The following ENTREP1 variants were observed in gnomAD, a reference collection of about 807,000 sequenced individuals.
ENTREP1 encodes the protein endosomal transmembrane epsin interactor 1.
At chr9:69,348,178 G>C in the ENTREP1 span, among the ~76,000 whole-genome samples, 2 of 152,006 alleles carry the variant, frequency 1.3e-5, no homozygotes, top group African/African-American at 4.8e-5. Flanking sequence ...GCAGTGGCGC[G>C]GACACAGCTC....
At chr9:69,326,829 G>C in the ENTREP1 span, among the ~76,000 whole-genome samples, 2 of 21,454 alleles carry the variant, frequency 9.3e-5, no homozygotes, top group Non-Finnish European at 3.1e-4. Context: ...CTCCCAAAGT[G>C]TGGGGATTAG....
chr9:69,382,792 A>G, the ENTREP1 span: 2 of 155,230 alleles, frequency 1.3e-5, no homozygotes, highest in Admixed American at 6.5e-5. Flanking sequence ...AACTAGCCCC[A>G]GAATCTGTTT....
the ENTREP1 span, among the ~76,000 whole-genome samples, chr9:69,367,893 A>T: frequency 3.4e-5 from 5 of 145,280 alleles, no homozygotes; most frequent in Non-Finnish European, 7.5e-5. Context: ...ACACATATAT[A>T]TATACATATA....
chr9:69,331,931 C>T, the ENTREP1 span, among the ~76,000 whole-genome samples: 1 of 152,180 alleles, frequency 6.6e-6, no homozygotes, highest in African/African-American at 2.4e-5. Context: ...TGATGGAGCT[C>T]CAGCTACTGC....
chr9:69,359,786 A>G, the ENTREP1 span, among the ~76,000 whole-genome samples: 1 of 152,190 alleles, frequency 6.6e-6, no homozygotes, highest in Admixed American at 6.5e-5. Flanking sequence ...TGACAACTTC[A>G]TGAAAGGAGA....
chr9:69,377,331 G>T, the ENTREP1 span: 4 of 1,113,944 alleles, frequency 3.6e-6, no homozygotes, highest in Admixed American at 6.7e-5. Flanking sequence ...GGTGATGTTT[G>T]TTGAAGTACT....
chr9:69,360,447 T>C, the ENTREP1 span, among the ~76,000 whole-genome samples: 2 of 152,246 alleles, frequency 1.3e-5, no homozygotes, highest in African/African-American at 2.4e-5. Context: ...TTTATTTTAT[T>C]TTGACTATCC....
At chr9:69,357,359 C>G in the ENTREP1 span, among the ~76,000 whole-genome samples, 2 of 152,130 alleles carry the variant, frequency 1.3e-5, no homozygotes, top group Non-Finnish European at 1.5e-5. Context: ...CCTTTCATCC[C>G]TGTTGAAAGA....
At chr9:69,384,686 T>C in the ENTREP1 span, among the ~76,000 whole-genome samples, 1 of 152,192 alleles carries the variant, frequency 6.6e-6, no homozygotes, top group African/African-American at 2.4e-5. Context: ...GCCTTCTCTC[T>C]TTGGGGAGGT....
the ENTREP1 span, among the ~76,000 whole-genome samples, chr9:69,340,665 G>GTA: frequency 1.9e-5 from 2 of 102,882 alleles, no homozygotes; most frequent in Admixed American, 9.5e-5. Context: ...GTGTGTGTGT[G>GTA]CGTGTGTGTG....
At chr9:69,376,234 C>T in the ENTREP1 span, among the ~76,000 whole-genome samples, 57 of 152,270 alleles carry the variant, frequency 3.7e-4, no homozygotes, top group East Asian at 9.6e-3. Flanking sequence ...ACCTTTAAGT[C>T]GCACACTCGT....
At chr9:69,371,526 G>A in the ENTREP1 span, 1 of 1,613,758 alleles carries the variant, frequency 6.2e-7, no homozygotes, top group South Asian at 1.1e-5. Flanking sequence ...GCTCTCTGTG[G>A]TTTGTGTCCT....
the ENTREP1 span, among the ~76,000 whole-genome samples, chr9:69,343,258 G>GT: frequency 6.6e-6 from 1 of 152,182 alleles, no homozygotes; most frequent in Non-Finnish European, 1.5e-5. Flanking sequence ...TGTGAACAAT[G>GT]TTTTTGTCTC....
chr9:69,386,812 A>G, the ENTREP1 span: 8 of 152,372 alleles, frequency 5.3e-5, no homozygotes, highest in South Asian at 1.7e-3. Flanking sequence ...TGTGCGAGCC[A>G]GAGAGAACAT....
the ENTREP1 span, chr9:69,377,856 G>C: frequency 2.3e-6 from 3 of 1,281,552 alleles, no homozygotes; most frequent in South Asian, 5.1e-5. Context: ...AAAAGAAAAA[G>C]AAAAATTTTT....
At chr9:69,335,581 AG>A in the ENTREP1 span, among the ~76,000 whole-genome samples, 1 of 152,162 alleles carries the variant, frequency 6.6e-6, no homozygotes, top group Non-Finnish European at 1.5e-5. Context: ...AGAGCAGGTA[AG>A]AGAAGATCTT....
chr9:69,385,953 G>A, the ENTREP1 span: 15 of 1,595,852 alleles, frequency 9.4e-6, no homozygotes, highest in Non-Finnish European at 1.0e-5. Flanking sequence ...GAGAGGTGAT[G>A]TCATTCCCCA....
chr9:69,353,628 TG>T, the ENTREP1 span, among the ~76,000 whole-genome samples: 2 of 152,238 alleles, frequency 1.3e-5, no homozygotes, highest in African/African-American at 4.8e-5. Flanking sequence ...TTTCCCCACT[TG>T]GTTCACAATC....
the ENTREP1 span, chr9:69,385,761 CTCTT>C: frequency 3.5e-6 from 5 of 1,409,606 alleles, no homozygotes; most frequent in Non-Finnish European, 4.6e-6. Flanking sequence ...TATGTTTCGC[CTCTT>C]TTTTTTTTTT....
Sources: allele counts gnomAD v4.1 joint callset (sites outside exome capture counted in the v4.1 genomes callset), GRCh38; gene constraint gnomAD v4.1.1; transcripts MANE v1.5; gene names NCBI Gene and HGNC (gene_info 2026-07-23, HGNC 2026-07-21).